The following LOXHD1 variants were observed in gnomAD, a reference collection of about 807,000 sequenced individuals.
The protein encoded by LOXHD1 is lipoxygenase homology PLAT domains 1.
LOXHD1 carries 205 observed loss-of-function variants against 248.2 expected under a neutral mutation model. The observed-to-expected ratio is 0.83, with a 90% CI of 0.74 to 0.93. LOXHD1 has a LOEUF of 0.93. Ranked by LOEUF, LOXHD1 falls within the 40% of genes least tolerant of loss-of-function variation. LOXHD1 has a pLI of 0.00. For synonymous variants in LOXHD1, 1,113 were observed against 1,162.8 expected (o/e 0.96, Z 0.87); for missense variants, 2,930 against 2,971.6 (o/e 0.99, Z 0.33).
At chr18:46,623,679 C>T (rs567923529) in intron 4 of LOXHD1, among the ~76,000 whole-genome samples, 1 of 152,386 alleles carries the variant, frequency 6.6e-6, no homozygotes, top group Admixed American at 6.5e-5. Context: ...TGGCCGGAAG[C>T]TGCCTGTGTG....
At chr18:46,497,342 C>T (rs1301384976) in intron 37 of LOXHD1, among the ~76,000 whole-genome samples, 1 of 152,194 alleles carries the variant, frequency 6.6e-6, no homozygotes, top group East Asian at 1.9e-4. Flanking sequence ...CGGTGCTGAA[C>T]CCGCCTCTTT....
At chr18:46,555,101 A>T in intron 21 of LOXHD1, 1 of 471,046 alleles carries the variant, frequency 2.1e-6, no homozygotes, top group Non-Finnish European at 4.4e-6. Context: ...AGAAATGCCA[A>T]ATCAGTGGCA....
chr18:46,535,576 CTGTTTTTGT>C (rs764507426), intron 26 of LOXHD1, among the ~76,000 whole-genome samples: 2 of 135,584 alleles, frequency 1.5e-5, no homozygotes, highest in Non-Finnish European at 3.2e-5. Context: ...ATGGCTGCCT[CTGTTTTTGT>C]TGTTGTTGTT....
chr18:46,601,619 C>G (rs2038341805), intron 7 of LOXHD1, 152 bp from the exon 8 acceptor site: 3 of 1,022,732 alleles, frequency 2.9e-6, no homozygotes, highest in African/African-American at 3.2e-5. Context: ...CAGATGCCAC[C>G]TAATGTCCCT....
At position 46,477,576 on chromosome 18, in the gene LOXHD1, T is replaced by C. The variant is rs1263242873; in HGVS notation, c.6718A>G (p.Thr2240Ala). The change falls in exon 41 of 41, where the codon ACC becomes GCC. Residue 2240 changes from threonine to alanine, a missense_variant. Coordinates refer to ENST00000642948, the MANE Select transcript of LOXHD1 (RefSeq NM_001384474.1). ...SGWLVEKVEV[T>A]NTSTGVATIF... ...GTGGCCACGCCGGTGCTGGTGTTGGTGACCTCCACCTTCTCCACCAGCCAG... is the reference window on the plus strand; with the variant it reads ...GTGGCCACGCCGGTGCTGGTGTTGGCGACCTCCACCTTCTCCACCAGCCAG... 6.4e-7 allele frequency: 1 copy of C among 1,551,724 alleles called. No individual in the cohort carries two copies. The highest frequency in any genetic ancestry group is 2.4e-5 in the East Asian group (1 of 40,920).
intron 17 of LOXHD1, among the ~76,000 whole-genome samples, chr18:46,564,248 C>T (rs1022313343): frequency 1.5e-4 from 23 of 152,218 alleles, no homozygotes; most frequent in Non-Finnish European, 2.1e-4. Context: ...AGGCCAGGCA[C>T]GGTGGTTCAG....
chr18:46,582,448 A>G (rs1425261714), intron 12 of LOXHD1, among the ~76,000 whole-genome samples: 1 of 152,172 alleles, frequency 6.6e-6, no homozygotes, highest in Non-Finnish European at 1.5e-5. Flanking sequence ...AGGGACCAAA[A>G]ATGGTACTCT....
At position 46,628,204 on chromosome 18, in the gene LOXHD1, G is replaced by C. The variant is rs142045702; in HGVS notation, c.512-9914C>G. Among the ~76,000 whole-genome samples, 7 of 152,274 alleles carry C rather than the reference G, an allele frequency of 4.6e-5. No individual in the cohort carries two copies. The East Asian group carries it at 1.4e-3, about 29-fold the overall frequency. ...AGGAAGAGTAGATAAAGTCCCTTTT[G>C]GTCCTTAAATTCTCTGATGTGCCAC... On this transcript the variant is annotated intron_variant, in intron 4 of 40. Transcript: ENST00000642948.
At chr18:46,559,159 C>T (rs74767915) in intron 20 of LOXHD1, 20,319 of 1,401,306 alleles carry the variant, frequency 0.015, 181 homozygotes, top group Non-Finnish European at 0.017. Flanking sequence ...CTTGAACCCC[C>T]GCATCCCTAC....
At chr18:46,519,748 A>C (rs934722495) in intron 33 of LOXHD1, among the ~76,000 whole-genome samples, 2 of 152,172 alleles carry the variant, frequency 1.3e-5, no homozygotes, top group African/African-American at 4.8e-5. Context: ...CTCTGCATCC[A>C]TCTTTCTCTC....
At chr18:46,534,526 C>A in intron 26 of LOXHD1, 75 bp from the exon 27 acceptor site, 1 of 1,100,358 alleles carries the variant, frequency 9.1e-7, no homozygotes, top group Non-Finnish European at 1.4e-6. Context: ...CATCCTGCTT[C>A]CCCAGGGCAT....
rs2036149944 is a variant in LOXHD1 at position 46,533,157 on chromosome 18, C to T, written c.4375+5G>A. 1.3e-6 allele frequency: 2 copies of T among 1,551,520 alleles called. No individual in the cohort carries two copies. Among genetic ancestry groups the T allele is most frequent in the Admixed American group, 2.0e-5 (1 of 50,984 alleles). ...TGGTGATGAGGGTGGCCACACCACA[C>T]TTACTGTCCAGAGGCTCTTCTACTT... On this transcript the variant is annotated splice_donor_5th_base_variant and intron_variant, in intron 28 of 40. Transcript: ENST00000642948.
intron 35 of LOXHD1, 195 bp downstream of exon 35, chr18:46,509,503 C>T: frequency 1.6e-6 from 1 of 639,362 alleles, no homozygotes; most frequent in East Asian, 2.8e-5. Flanking sequence ...TCAGTTCTCA[C>T]TGGACACAAA....
intron 21 of LOXHD1, chr18:46,555,377 C>G (rs945450089): frequency 2.9e-6 from 1 of 339,732 alleles, no homozygotes; most frequent in African/African-American, 2.1e-5. Context: ...GGTTCCCAGC[C>G]ATGGGGCTGT....
intron 35 of LOXHD1, among the ~76,000 whole-genome samples, 186 bp from the exon 36 acceptor site, chr18:46,507,898 C>G (rs145513735): frequency 1.3e-5 from 2 of 152,154 alleles, no homozygotes; most frequent in African/African-American, 4.8e-5. Flanking sequence ...GTCCTGTGTG[C>G]CTGGCATGGG....
chr18:46,507,165 T>C (rs1568110209), intron 36 of LOXHD1, among the ~76,000 whole-genome samples: 2 of 152,168 alleles, frequency 1.3e-5, no homozygotes, highest in African/African-American at 4.8e-5. Flanking sequence ...AGCCGGCACA[T>C]GGTAGATGGC....
At chr18:46,612,437 A>G (rs961232184) in intron 5 of LOXHD1, among the ~76,000 whole-genome samples, 3 of 152,174 alleles carry the variant, frequency 2.0e-5, no homozygotes, top group African/African-American at 7.2e-5. Flanking sequence ...ATCTTATTGT[A>G]GTTTTAATTT....
At position 46,656,773 on chromosome 18, in the gene LOXHD1, C is replaced by A. The variant is rs186194891; in HGVS notation, c.130+131G>T. 4 of 1,085,766 alleles carry A rather than the reference C, an allele frequency of 3.7e-6. No individual in the cohort carries two copies. In the African/African-American group the frequency reaches 4.7e-5, roughly 13 times the overall value. The allele number at this position is 1,085,766 out of a possible 1,614,324, so 67.3% of individuals were successfully genotyped here. On this transcript the variant is annotated intron_variant, in intron 1 of 40. Coordinates refer to ENST00000642948, the MANE Select transcript of LOXHD1 (RefSeq NM_001384474.1). ...CTTCTTACTCCGAGGGGATATGGAA[C>A]AGACACATGGGATAATCAGTGAGGA...
intron 14 of LOXHD1, among the ~76,000 whole-genome samples, chr18:46,576,878 T>C (rs2037867584): frequency 6.6e-6 from 1 of 152,240 alleles, no homozygotes; most frequent in African/African-American, 2.4e-5. Flanking sequence ...TCTGCGTTCA[T>C]GGTAAGAGGA....
Sources: allele counts gnomAD v4.1 joint callset (sites outside exome capture counted in the v4.1 genomes callset), GRCh38; gene constraint gnomAD v4.1.1; transcripts MANE v1.5; gene names NCBI Gene and HGNC (gene_info 2026-07-23, HGNC 2026-07-21).